Variants in SCAF4 observed in about 807,000 individuals in gnomAD.
SCAF4 encodes SR-related CTD associated factor 4.
In SCAF4, 25 loss-of-function variants were observed where a neutral mutation model predicts 129.8. The observed-to-expected ratio is 0.19, with a 90% CI of 0.14 to 0.27. The LOEUF (loss-of-function observed/expected upper bound fraction) is 0.27, where lower values mean the gene tolerates loss of function less well. SCAF4 is among the 10% of genes least tolerant of loss of function. SCAF4 has a pLI of 1.00. For synonymous variants in SCAF4, 551 were observed against 497.7 expected (o/e 1.11, Z -1.43); for missense variants, 1,246 against 1,457.1 (o/e 0.86, Z 2.36).
rs2051380368 is a variant in SCAF4, at chr21:31,732,079, T to C, written c.-387A>G. Reference sequence around the variant, plus strand: ...CTCTCTCTCCCTCTCTCCAGCGGGATGGCGGCAGCGGCCCGAGTCCACGCC... The same window carrying C: ...CTCTCTCTCCCTCTCTCCAGCGGGACGGCGGCAGCGGCCCGAGTCCACGCC... On this transcript the variant is annotated 5_prime_UTR_variant, in exon 1 of 20. Coordinates refer to ENST00000286835, the MANE Select transcript of SCAF4 (RefSeq NM_020706.2). 2.4e-6 allele frequency: 1 copy of C among 409,768 alleles called. No homozygotes were observed. Among genetic ancestry groups the C allele is most frequent in the Non-Finnish European group, 4.3e-6 (1 of 234,148 alleles). 25.4% of individuals were successfully genotyped at this position (409,768 alleles called of 1,614,324 possible).
chr21:31,685,127 T>C lies in SCAF4; in HGVS notation c.2410A>G (p.Met804Val), dbSNP rs1402424805. 5.0e-6 allele frequency: 8 copies of C among 1,613,036 alleles called. No individual in the cohort carries two copies. The highest frequency in any genetic ancestry group is 1.3e-5 in the African/African-American group (1 of 74,852). Reference protein sequence around the residue: ...GNAESGDSVKMYGSAVPPAAP... With the variant: ...GNAESGDSVKVYGSAVPPAAP... ...GCAGGTGGCACGGCAGAGCCATACA[T>C]TTTCACGCTGTCACCAGACTCGGCG... Residue 804 changes from methionine (M) to valine (V), a missense_variant, in exon 19 of 20, where the codon ATG becomes GTG. Around this residue, in one of 6 missense-constraint regions of SCAF4, gnomAD observed 468 missense variants for 605.5 expected, o/e 0.77. Coordinates refer to ENST00000286835, the MANE Select transcript of SCAF4 (RefSeq NM_020706.2).
At chr21:31,698,834 C>T (rs2050450387) in intron 7 of SCAF4, among the ~76,000 whole-genome samples, 1 of 152,204 alleles carries the variant, frequency 6.6e-6, no homozygotes, top group African/African-American at 2.4e-5. Context: ...AGCCTGCTGA[C>T]CTGCCCTGCA....
At chr21:31,688,886 G>A (rs538035274) in intron 15 of SCAF4, among the ~76,000 whole-genome samples, 3 of 152,274 alleles carry the variant, frequency 2.0e-5, no homozygotes, top group South Asian at 4.1e-4. Context: ...AAAGGATAAT[G>A]AAACACCCAA....
chr21:31,714,234 G>A (rs757036999), intron 1 of SCAF4, among the ~76,000 whole-genome samples: 1 of 152,082 alleles, frequency 6.6e-6, no homozygotes, highest in Non-Finnish European at 1.5e-5. Flanking sequence ...AATAAACACC[G>A]TTAGGTGCAG....
rs2049699080 is a variant in SCAF4, at chr21:31,671,660, T to A, written c.3183A>T (p.Arg1061Ser). 2 of 1,614,032 alleles carry A rather than the reference T, an allele frequency of 1.2e-6. No individual in the cohort carries two copies. The highest frequency in any genetic ancestry group is 1.7e-6 in the Non-Finnish European group (2 of 1,179,932). ...TACGAGACTCTCTATCTCTAGAATCTCTCTCTCTGTCTCGATGCCCACTAG... is the reference window on the plus strand; with the variant it reads ...TACGAGACTCTCTATCTCTAGAATCACTCTCTCTGTCTCGATGCCCACTAG... ...RRSSGHRDRERDSRDRESRRE... is the reference protein window; with the variant it reads ...RRSSGHRDRESDSRDRESRRE... The change falls in exon 20 of 20, where the codon AGA becomes AGT. Residue 1061 changes from arginine (R) to serine (S), a missense_variant. Arg to Ser is a moderately radical substitution (Grantham distance 110). Coordinates refer to ENST00000286835, the MANE Select transcript of SCAF4 (RefSeq NM_020706.2).
chr21:31,696,225 A>C lies in SCAF4; in HGVS notation c.960-4T>G. 1 of 1,610,796 alleles carries C rather than the reference A, an allele frequency of 6.2e-7. No individual in the cohort carries two copies. Among genetic ancestry groups the C allele is most frequent in the Non-Finnish European group, 8.5e-7 (1 of 1,177,240 alleles). On this transcript the variant is annotated splice_polypyrimidine_tract_variant and splice_region_variant and intron_variant, in intron 8 of 19. Coordinates refer to ENST00000286835, the MANE Select transcript of SCAF4 (RefSeq NM_020706.2). Reference sequence around the variant, plus strand: ...CATGCCATCTCCAGGAAAGCCACTAAAAAAAGGTGGATAATCTTTTACCCA... The same window carrying C: ...CATGCCATCTCCAGGAAAGCCACTACAAAAAGGTGGATAATCTTTTACCCA...
intron 19 of SCAF4, among the ~76,000 whole-genome samples, chr21:31,674,525 A>G (rs983781937): frequency 2.0e-5 from 3 of 151,876 alleles, no homozygotes; most frequent in African/African-American, 7.2e-5. Context: ...TTCAGACCAC[A>G]AAAAAAATTT....
At chr21:31,711,366 A>G (rs891169510) in intron 1 of SCAF4, among the ~76,000 whole-genome samples, 15 of 152,224 alleles carry the variant, frequency 9.9e-5, no homozygotes, top group African/African-American at 3.6e-4. Flanking sequence ...ACCTACAGCA[A>G]TGCCTTCACT....
In SCAF4 at chr21:31,696,754, G is replaced by A; in HGVS notation, c.778-4C>T. 6.3e-7 allele frequency: 1 copy of A among 1,594,512 alleles called. No individual in the cohort carries two copies. The highest frequency in any genetic ancestry group is 1.3e-5 in the African/African-American group (1 of 74,292). ...AGTCAAATCTATCAAGCAACTTCTGGAATAATTATGTCAATATTTCATTTT... is the reference window on the plus strand; with the variant it reads ...AGTCAAATCTATCAAGCAACTTCTGAAATAATTATGTCAATATTTCATTTT... On this transcript the variant is annotated splice_region_variant and splice_polypyrimidine_tract_variant and intron_variant, in intron 7 of 19. Coordinates refer to ENST00000286835, the MANE Select transcript of SCAF4 (RefSeq NM_020706.2).
intron 1 of SCAF4, among the ~76,000 whole-genome samples, chr21:31,710,918 TA>T (rs1402764965): frequency 2.0e-5 from 3 of 152,224 alleles, no homozygotes; most frequent in African/African-American, 7.2e-5. Context: ...GTTTCGTATA[TA>T]AAAAGGAGAC....
intron 8 of SCAF4, among the ~76,000 whole-genome samples, 156 bp downstream of exon 8, chr21:31,696,413 T>C (rs2050387096): frequency 1.3e-5 from 2 of 152,208 alleles, no homozygotes; most frequent in African/African-American, 4.8e-5. Flanking sequence ...TTTTAAATCT[T>C]AAGAGGATCC....
rs750488844 is a variant in SCAF4 at position 31,701,112 on chromosome 21, G to C, written c.660C>G (p.Asp220Glu). 6.2e-7 allele frequency: 1 copy of C among 1,613,614 alleles called. No individual in the cohort carries two copies. The change falls in exon 7 of 20, where the codon GAC becomes GAG. Residue 220 changes from aspartate (D) to glutamate (E), a missense_variant. By Grantham distance (45) the Asp-to-Glu change is conservative. Transcript: ENST00000286835. ...QPPKPQSPAL[D>E]NAVMAQVQAI... ...CCTGAACCTGAGCCATCACAGCATTGTCAAGGGCAGGAGACTGTGGTTTTG... is the reference window on the plus strand; with the variant it reads ...CCTGAACCTGAGCCATCACAGCATTCTCAAGGGCAGGAGACTGTGGTTTTG...
intron 16 of SCAF4, 124 bp downstream of exon 16, chr21:31,688,179 TGAAA>T (rs2050174663): frequency 9.6e-6 from 3 of 311,642 alleles, no homozygotes; most frequent in Non-Finnish European, 1.5e-5. Context: ...TGATAAAACA[TGAAA>T]AATGTAATAT....
At chr21:31,687,406 G>A (rs2050151264) in intron 16 of SCAF4, among the ~76,000 whole-genome samples, 1 of 152,048 alleles carries the variant, frequency 6.6e-6, no homozygotes, top group South Asian at 2.1e-4. Context: ...ATAGGAAACT[G>A]AAGCTTATAA....
At position 31,731,919 on chromosome 21, in the gene SCAF4, G is replaced by T. The variant is rs916255418; in HGVS notation, c.-227C>A. ...CTCTCAGTCCCGTTCGCAGGATGAG[G>T]AAAAGGAGGCGGCGGCAGCGCTGGT... is the stretch of plus-strand genomic sequence containing the variant. On this transcript the variant is annotated 5_prime_UTR_variant, in exon 1 of 20. Transcript: ENST00000286835. 2.0e-6 allele frequency: 1 copy of T among 490,608 alleles called. No homozygotes were observed. The highest frequency in any genetic ancestry group is 4.4e-5 in the Admixed American group (1 of 22,960). 30.4% of individuals were successfully genotyped at this position (490,608 alleles called of 1,614,324 possible).
At chr21:31,698,073 A>G (rs2050430443) in intron 7 of SCAF4, among the ~76,000 whole-genome samples, 1 of 152,242 alleles carries the variant, frequency 6.6e-6, no homozygotes, top group Non-Finnish European at 1.5e-5. Flanking sequence ...AAAGTCGCCT[A>G]TAAAAAACAA....
chr21:31,691,890 T>C lies in SCAF4; in HGVS notation c.1655A>G (p.His552Arg), dbSNP rs764464579. The C allele has an allele frequency of 1.9e-5, 31 of 1,608,534 alleles. No individual in the cohort carries two copies. Among genetic ancestry groups the C allele is most frequent in the Non-Finnish European group, 5.1e-6 (6 of 1,177,052 alleles). ...PRGCAYIVMV[H>R]RQDAYRALQK... ...CAGGGCACGATAGGCATCTTGCCTA[T>C]GAACCATAACAATATAGGCACAACC... Residue 552 changes from histidine to arginine, a missense_variant, in exon 14 of 20, where the codon CAT (histidine) becomes CGT (arginine). His to Arg is a conservative substitution (Grantham distance 29). Coordinates refer to ENST00000286835, the MANE Select transcript of SCAF4 (RefSeq NM_020706.2).
intron 1 of SCAF4, chr21:31,712,746 T>A: frequency 5.1e-6 from 1 of 195,084 alleles, no homozygotes; most frequent in Non-Finnish European, 9.3e-6. Flanking sequence ...GTCAGGCTGG[T>A]CTCAAACTCC....
chr21:31,679,642 G>A (rs1353515039), intron 19 of SCAF4, among the ~76,000 whole-genome samples: 1 of 152,126 alleles, frequency 6.6e-6, no homozygotes, highest in Non-Finnish European at 1.5e-5. Context: ...ATTCTTAAGA[G>A]AAATTTGAGT....
Sources: allele counts gnomAD v4.1 joint callset (sites outside exome capture counted in the v4.1 genomes callset), GRCh38; gene constraint gnomAD v4.1.1; regional missense constraint gnomAD v4.1.1; transcripts MANE v1.5; gene names NCBI Gene and HGNC (gene_info 2026-07-23, HGNC 2026-07-21).